The following ENTPD5 variants were observed in gnomAD, a reference collection of about 807,000 sequenced individuals.
ENTPD5 encodes ectonucleoside triphosphate diphosphohydrolase 5 (inactive).
Under a neutral mutation model 60.2 loss-of-function variants are expected in ENTPD5, and 49 were observed. That is an observed-to-expected ratio of 0.81 (90% CI 0.65 to 1.03). The LOEUF (loss-of-function observed/expected upper bound fraction) is 1.03, where lower values mean the gene tolerates loss of function less well. Among genes scored for constraint, ENTPD5 ranks in the 50% least tolerant of loss-of-function variants. The pLI is 0.00. For synonymous variants in ENTPD5, 187 were observed against 185.4 expected, an observed-to-expected ratio of 1.01 and a Z score of -0.07; for missense variants, 480 against 507.6, an observed-to-expected ratio of 0.95 and a Z score of 0.52.
intron 3 of ENTPD5, among the ~76,000 whole-genome samples, chr14:74,007,308 T>C (rs1316263946): frequency 6.6e-6 from 1 of 152,060 alleles, no homozygotes; most frequent in Non-Finnish European, 1.5e-5. Context: ...GATCACGAGG[T>C]CAGGAAATCA....
chr14:73,957,664 A>C (rs375601479), downstream of ENTPD5, among the ~76,000 whole-genome samples: 1 of 152,122 alleles, frequency 6.6e-6, no homozygotes, highest in South Asian at 2.1e-4. Context: ...TCCTGGGCTC[A>C]AGTGATCCTC....
At chr14:73,981,103 AAAATAAAT>A (rs542711298) in intron 6 of ENTPD5, among the ~76,000 whole-genome samples, 14 of 151,872 alleles carry the variant, frequency 9.2e-5, no homozygotes, top group Non-Finnish European at 1.5e-4. Context: ...CGCCTCTCAA[AAAATAAAT>A]AAATAAATAA....
At chr14:74,008,161 C>T (rs1262453344) in intron 3 of ENTPD5, among the ~76,000 whole-genome samples, 1 of 151,840 alleles carries the variant, frequency 6.6e-6, no homozygotes, top group East Asian at 1.9e-4. Flanking sequence ...TTTAACTCAG[C>T]TTTTCTTAGA....
At chr14:74,011,621 ACTCC>A (rs2058848215) in intron 2 of ENTPD5, among the ~76,000 whole-genome samples, 2 of 151,992 alleles carry the variant, frequency 1.3e-5, no homozygotes, top group African/African-American at 2.4e-5. Flanking sequence ...ATGTGGCGAA[ACTCC>A]ATCTCTACAA....
At chr14:74,010,849 T>C (rs1465172160) in intron 3 of ENTPD5, among the ~76,000 whole-genome samples, 1 of 152,152 alleles carries the variant, frequency 6.6e-6, no homozygotes, top group African/African-American at 2.4e-5. Flanking sequence ...TACCTCCTAA[T>C]TTTCTTTTTA....
intron 14 of ENTPD5, among the ~76,000 whole-genome samples, 174 bp from the exon 15 acceptor site, chr14:73,970,299 C>G (rs1233985088): frequency 6.6e-6 from 1 of 152,112 alleles, no homozygotes; most frequent in Non-Finnish European, 1.5e-5. Flanking sequence ...TGAGATCAGC[C>G]TGGCCAACGT....
intron 3 of ENTPD5, among the ~76,000 whole-genome samples, chr14:74,010,141 A>C (rs1262674706): frequency 1.3e-5 from 2 of 152,166 alleles, no homozygotes; most frequent in Non-Finnish European, 2.9e-5. Context: ...TGCCCAGGAC[A>C]GTCTCAAACT....
In ENTPD5 at chr14:73,973,968, C is replaced by T. The variant is rs778182784; in HGVS notation, c.795G>A (p.Gly265=). The T allele has an allele frequency of 5.0e-6, 8 of 1,613,946 alleles. No individual in the cohort carries two copies. The highest frequency in any genetic ancestry group is 6.8e-6 in the Non-Finnish European group (8 of 1,179,886). ...LGALETEGTD[G]HTFRSACLPR... ...GTAAACAGGCACTCCGGAAAGTGTG[C>T]CCATCAGTCCCTGAAAGAATCCAGG... is the stretch of plus-strand genomic sequence containing the variant. The change falls in exon 12 of 16, where the codon GGG becomes GGA. Residue 265 remains glycine (G), a synonymous_variant. Transcript: ENST00000334696.
chr14:73,991,720 G>A (rs1033199583), intron 3 of ENTPD5, among the ~76,000 whole-genome samples: 3 of 147,898 alleles, frequency 2.0e-5, no homozygotes, highest in African/African-American at 5.0e-5. Flanking sequence ...AGCACATCCC[G>A]CCCCTCCACC....
intron 2 of ENTPD5, among the ~76,000 whole-genome samples, chr14:74,012,403 A>G (rs1048538129): frequency 1.2e-4 from 18 of 152,184 alleles, no homozygotes; most frequent in African/African-American, 4.3e-4. Flanking sequence ...CACCGGTCCC[A>G]GCTGGGACTC....
rs370119246 is a variant in ENTPD5, at chr14:73,966,993, T to C, written c.1222A>G (p.Ile408Val). Residue 408 changes from isoleucine (I) to valine (V), a missense_variant, in exon 16 of 16, where the codon ATA (isoleucine) becomes GTA (valine). Transcript: ENST00000334696. Reference protein sequence around the residue: ...VLQLTKKVNNIETGWALGATF... With the variant: ...VLQLTKKVNNVETGWALGATF... Reference sequence around the variant, plus strand: ...GCCCCCAAGGCCCAGCCCGTCTCTATGTTGTTCACTTTCTTTGTGAGCTGT... The same window carrying C: ...GCCCCCAAGGCCCAGCCCGTCTCTACGTTGTTCACTTTCTTTGTGAGCTGT... 22 of 1,614,216 alleles carry C rather than the reference T, an allele frequency of 1.4e-5. No homozygotes were observed. The highest frequency in any genetic ancestry group is 1.9e-5 in the Non-Finnish European group (22 of 1,179,998).
rs866095780 is a variant in ENTPD5, at chr14:74,015,856, A to C, written c.-163T>G. The C allele has an allele frequency of 2.1e-4, 32 of 152,170 alleles. No individual in the cohort carries two copies. The highest frequency in any genetic ancestry group is 7.7e-4 in the African/African-American group (32 of 41,434). The allele number at this position is 152,170 out of a possible 1,614,324, so 9.4% of individuals were successfully genotyped here. A position where few individuals can be genotyped will look rare whatever the true frequency, so the allele number is the denominator to read the frequency against. On this transcript the variant is annotated 5_prime_UTR_variant, in exon 2 of 16. Transcript: ENST00000334696. ...CTGGATACAAGTCCTACCTAACAGC[A>C]CCATAATGATCTTGTCTGTATGAGG... is the stretch of plus-strand genomic sequence containing the variant.
downstream of ENTPD5, chr14:73,960,849 A>G (rs1254533525): frequency 2.3e-6 from 1 of 431,590 alleles, no homozygotes; most frequent in East Asian, 5.2e-5. Flanking sequence ...TTCTAAGCAG[A>G]GGAGAGTCAT....
chr14:74,014,380 T>TC lies in ENTPD5; in HGVS notation c.-131+1443dup, dbSNP rs59571519. 3.9e-3 allele frequency among the ~76,000 whole-genome samples: 550 copies of TC among 142,120 alleles called. 2 individuals are homozygous for TC. Among genetic ancestry groups the TC allele is most frequent in the Admixed American group, 6.0e-3 (84 of 14,046 alleles). The allele number at this position is 142,120 out of a possible 152,430, so 93.2% of individuals were successfully genotyped here. ...CAACAGAGTGAGATCCAGTCTTTAC[T>TC]CCCCCCCCCCACAAAAAAAAGTTAG... On this transcript the variant is annotated intron_variant, in intron 2 of 15. Coordinates refer to ENST00000334696, the MANE Select transcript of ENTPD5 (RefSeq NM_001249.5).
At chr14:73,976,159 G>T (rs183741226) in intron 9 of ENTPD5, 144 bp from the exon 10 acceptor site, 2 of 849,432 alleles carry the variant, frequency 2.4e-6, no homozygotes, top group African/African-American at 1.7e-5. Context: ...GAAACGAAGG[G>T]ATTCTGAACA....
In ENTPD5 at chr14:73,988,087, C is replaced by T; in HGVS notation, c.16G>A (p.Gly6Ser). The change falls in exon 4 of 16, where the codon GGC (glycine) becomes AGC (serine). Residue 6 changes from glycine (G) to serine (S), a missense_variant. Transcript: ENST00000334696. ...ACCACCAGCATGAAAAAGACTGTGC[C>T]CCAAGAAGTGGCCATTCTTTTCCCA... MATSW[G>S]TVFFMLVVSC... is the part of the protein sequence containing the mutation. 1.2e-6 allele frequency: 2 copies of T among 1,611,202 alleles called. No homozygotes were observed. The highest frequency in any genetic ancestry group is 8.5e-7 in the Non-Finnish European group (1 of 1,179,116).
chr14:74,003,936 AT>A (rs937976672), intron 3 of ENTPD5, among the ~76,000 whole-genome samples: 15 of 150,968 alleles, frequency 9.9e-5, no homozygotes, highest in East Asian at 1.9e-4. Context: ...ATTAAAAAAA[AT>A]TTTTTTTTAA....
At chr14:73,977,107 T>C (rs1197074920) in intron 7 of ENTPD5, 48 bp from the exon 8 acceptor site, 3 of 1,567,174 alleles carry the variant, frequency 1.9e-6, no homozygotes. Flanking sequence ...ATTTTTTCTC[T>C]TTCCTGGCCC....
downstream of ENTPD5, chr14:73,959,757 A>G (rs886957380): frequency 3.0e-5 from 35 of 1,150,328 alleles, no homozygotes; most frequent in African/African-American, 3.3e-4. Context: ...TTTAGTAGAG[A>G]TGAGGTTTCA....
Sources: allele counts gnomAD v4.1 joint callset (sites outside exome capture counted in the v4.1 genomes callset), GRCh38; gene constraint gnomAD v4.1.1; transcripts MANE v1.5; gene names NCBI Gene and HGNC (gene_info 2026-07-23, HGNC 2026-07-21).